The following OR51B5 variants were observed in gnomAD, a reference collection of about 807,000 sequenced individuals.
OR51B5 encodes olfactory receptor family 51 subfamily B member 5, also known as olfactory receptor 51B5.
For synonymous variants in OR51B5, 186 were observed against 144.8 expected (o/e 1.28, Z -2.04); for missense variants, 456 against 374.6 (o/e 1.22, Z -1.79).
chr11:5,447,813 T>C (rs1003966135), intron 1 of OR51B5, among the ~76,000 whole-genome samples: 3 of 152,180 alleles, frequency 2.0e-5, no homozygotes, highest in African/African-American at 7.2e-5. Context: ...TGGTTGGTTA[T>C]ATTTTGAAGC....
intron 1 of OR51B5, among the ~76,000 whole-genome samples, chr11:5,385,944 C>A (rs200539446): frequency 6.8e-6 from 1 of 147,934 alleles, no homozygotes; most frequent in African/African-American, 2.5e-5. Context: ...TAAGTATGTT[C>A]TATATATATA....
intron 1 of OR51B5, chr11:5,390,516 CT>C: frequency 5.9e-6 from 4 of 674,778 alleles, no homozygotes; most frequent in Non-Finnish European, 9.5e-6. Context: ...AAATTTATGT[CT>C]GGAGTTGTGG....
chr11:5,495,748 T>C (rs1173000683), intron 1 of OR51B5, among the ~76,000 whole-genome samples: 1 of 152,142 alleles, frequency 6.6e-6, no homozygotes, highest in Non-Finnish European at 1.5e-5. Flanking sequence ...AATAATCACT[T>C]TAAATTAAAT....
chr11:5,455,320 G>C (rs931427107), intron 1 of OR51B5: 1 of 146,622 alleles, frequency 6.8e-6, no homozygotes, highest in Admixed American at 7.0e-5. Context: ...GTTAAGAGAT[G>C]TTAGAAATTA....
intron 1 of OR51B5, among the ~76,000 whole-genome samples, chr11:5,465,078 C>T (rs933039157): frequency 1.1e-4 from 16 of 150,406 alleles, no homozygotes; most frequent in Admixed American, 5.9e-4. Context: ...TAGTGGCGGG[C>T]GCCTGTAGTC....
chr11:5,502,667 A>G (rs1466039750), intron 1 of OR51B5, among the ~76,000 whole-genome samples: 1 of 152,198 alleles, frequency 6.6e-6, no homozygotes, highest in Non-Finnish European at 1.5e-5. Flanking sequence ...ATTCCTTCAC[A>G]TGCTACCTAA....
At chr11:5,466,531 A>C (rs567600449) in intron 1 of OR51B5, among the ~76,000 whole-genome samples, 6 of 152,234 alleles carry the variant, frequency 3.9e-5, no homozygotes, top group Non-Finnish European at 8.8e-5. Context: ...GACTTGAAAC[A>C]AAAAGGAGGG....
intron 1 of OR51B5, among the ~76,000 whole-genome samples, chr11:5,374,797 G>A (rs970264748): frequency 1.3e-5 from 2 of 152,102 alleles, no homozygotes; most frequent in Non-Finnish European, 2.9e-5. Context: ...AGAATAAAAA[G>A]AAATGAACAA....
chr11:5,401,261 T>G (rs772784690), intron 1 of OR51B5, among the ~76,000 whole-genome samples: 1 of 152,204 alleles, frequency 6.6e-6, no homozygotes, highest in Non-Finnish European at 1.5e-5. Context: ...AAAGTCCCAA[T>G]GGATAAGGTA....
intron 1 of OR51B5, among the ~76,000 whole-genome samples, chr11:5,477,678 G>A (rs1026881819): frequency 9.2e-5 from 14 of 152,120 alleles, no homozygotes; most frequent in African/African-American, 3.1e-4. Context: ...GCCGAAGCAG[G>A]GTGAGGCATT....
intron 1 of OR51B5, among the ~76,000 whole-genome samples, chr11:5,503,289 GCA>G (rs1379790448): frequency 3.3e-5 from 5 of 152,098 alleles, no homozygotes; most frequent in Non-Finnish European, 5.9e-5. Context: ...ACTGGTAATA[GCA>G]CAGTTTCATC....
At chr11:5,395,208 G>A (rs1285386545) in intron 1 of OR51B5, among the ~76,000 whole-genome samples, 2 of 152,158 alleles carry the variant, frequency 1.3e-5, no homozygotes, top group Admixed American at 6.5e-5. Flanking sequence ...GAGGGCCAAA[G>A]ACCCAAGGAA....
intron 1 of OR51B5, among the ~76,000 whole-genome samples, chr11:5,374,402 G>A (rs183686615): frequency 1.3e-5 from 2 of 152,224 alleles, no homozygotes; most frequent in Admixed American, 1.3e-4. Flanking sequence ...CAGAAAAACT[G>A]GAAACTCTAA....
chr11:5,487,247 A>G (rs1368691), intron 1 of OR51B5, among the ~76,000 whole-genome samples: 12,257 of 152,196 alleles, frequency 0.081, 924 homozygotes, highest in East Asian at 0.36. Flanking sequence ...TCGAGAGTAT[A>G]TGTTGTTAAA....
chr11:5,468,048 A>G (rs181650806), intron 1 of OR51B5, among the ~76,000 whole-genome samples: 2 of 152,220 alleles, frequency 1.3e-5, no homozygotes, highest in Non-Finnish European at 2.9e-5. Flanking sequence ...CAGCTATTAC[A>G]TATCTTTAGT....
At chr11:5,422,494 C>G (rs1442941960) in intron 1 of OR51B5, 1 of 1,614,138 alleles carries the variant, frequency 6.2e-7, no homozygotes, top group African/African-American at 1.3e-5. Flanking sequence ...GCTCTGAGGC[C>G]TGTTTTGCTC....
At chr11:5,354,001 T>G (rs1165512267) in intron 1 of OR51B5, among the ~76,000 whole-genome samples, 5 of 152,260 alleles carry the variant, frequency 3.3e-5, no homozygotes, top group Non-Finnish European at 7.3e-5. Context: ...TGTAGCTTCT[T>G]GACTGTGTGC....
At chr11:5,427,349 T>C (rs564698779) in intron 1 of OR51B5, among the ~76,000 whole-genome samples, 24 of 148,746 alleles carry the variant, frequency 1.6e-4, no homozygotes, top group African/African-American at 5.5e-4. Flanking sequence ...GTGCTGAAAT[T>C]GAACAGTTAG....
chr11:5,472,801 T>G (rs189751983), intron 1 of OR51B5, among the ~76,000 whole-genome samples: 16 of 152,204 alleles, frequency 1.1e-4, no homozygotes, highest in South Asian at 6.2e-4. Context: ...TCACTGATTC[T>G]CAGATTAGGG....
Sources: gnomAD v4.1 joint callset for allele counts (sites outside exome capture counted in the v4.1 genomes callset) on GRCh38, gnomAD v4.1.1 for gene constraint, MANE v1.5 for transcripts, NCBI Gene and HGNC (gene_info 2026-07-23, HGNC 2026-07-21) for gene names.